The following BTNL8 variants were observed in gnomAD, a reference collection of about 807,000 sequenced individuals.
BTNL8 encodes the protein butyrophilin like 8.
Under a neutral mutation model 36.1 loss-of-function variants are expected in BTNL8, and 22 were observed. The observed-to-expected ratio is 0.61, with a 90% confidence interval of 0.44 to 0.87. The LOEUF (loss-of-function observed/expected upper bound fraction) is 0.87. Ranked by LOEUF, BTNL8 falls within the 40% of genes least tolerant of loss-of-function variation. The probability of loss-of-function intolerance (pLI) is 0.00; values close to 1 mark genes in which losing one functional copy is unlikely to be tolerated. For missense variants in BTNL8, 526 were observed against 616.9 expected, an observed-to-expected ratio of 0.85 and a Z score of 1.56; for synonymous variants, 203 against 235.6, an observed-to-expected ratio of 0.86 and a Z score of 1.27.
In BTNL8 at chr5:180,950,135, G is replaced by A. The variant is rs772485260; in HGVS notation, c.1094G>A (p.Arg365Lys). The A allele has an allele frequency of 8.2e-6, 12 of 1,462,876 alleles. 2 individuals are homozygous for A. In the Admixed American group the frequency reaches 2.3e-4, roughly 28 times the overall value. 90.6% of individuals were successfully genotyped at this position (1,462,876 alleles called of 1,614,324 possible). A position where few individuals can be genotyped will look rare whatever the true frequency, so the allele number is the denominator to read the frequency against. The change falls in exon 8 of 8, where the codon AGG becomes AAG. Residue 365 changes from arginine (R) to lysine (K), a missense_variant. Physicochemically the swap from Arg to Lys is conservative, Grantham distance 26. This residue lies in a region of BTNL8 where 176 missense variants were observed against 292.3 expected (regional missense o/e 0.60). Coordinates refer to ENST00000340184, the MANE Select transcript of BTNL8 (RefSeq NM_001040462.3). ...VGVCRDDVDR[R>K]KEYVTLSPDH... is the part of the protein sequence containing the mutation. ...GTGTGCCGGGATGATGTGGACAGGA[G>A]GAAGGAGTACGTGACTTTGTCTCCC...
chr5:180,950,516 C>G lies in BTNL8; in HGVS notation c.1475C>G (p.Thr492Arg), dbSNP rs200621852. Residue 492 changes from threonine (T) to arginine (R), a missense_variant, in exon 8 of 8, where the codon ACG becomes AGG. Thr to Arg is a moderately conservative substitution (Grantham distance 71). This residue lies in a region of BTNL8 where 176 missense variants were observed against 292.3 expected (regional missense o/e 0.60). Coordinates refer to ENST00000340184, the MANE Select transcript of BTNL8 (RefSeq NM_001040462.3). ...SNSESSSQATTPFLPRGEM is the reference protein window; with the variant it reads ...SNSESSSQATRPFLPRGEM Reference sequence around the variant, plus strand: ...AGTGAGTCCTCCTCACAGGCAACCACGCCCTTCCTCCCCAGGGGTGAAATG... The same window carrying G: ...AGTGAGTCCTCCTCACAGGCAACCAGGCCCTTCCTCCCCAGGGGTGAAATG... 6.8e-7 allele frequency: 1 copy of G among 1,463,130 alleles called. No homozygotes were observed. The allele number at this position is 1,463,130 out of a possible 1,614,324, so 90.6% of individuals were successfully genotyped here.
At chr5:180,926,077 A>G (rs1561937963) in intron 3 of BTNL8, among the ~76,000 whole-genome samples, 1 of 152,238 alleles carries the variant, frequency 6.6e-6, no homozygotes, top group Non-Finnish European at 1.5e-5. Context: ...GCCCCCAGCA[A>G]GATCAATGCA....
chr5:180,947,760 T>A (rs780755505), intron 4 of BTNL8, 135 bp downstream of exon 4: 1 of 1,613,776 alleles, frequency 6.2e-7, no homozygotes, highest in Admixed American at 1.7e-5. Context: ...AAAAAAGTAA[T>A]CATCCTTCTC....
At position 180,932,089 on chromosome 5, in the gene BTNL8, A is replaced by C. The variant is rs1319673799; in HGVS notation, c.674-15423A>C. On this transcript the variant is annotated intron_variant, in intron 3 of 7. Transcript: ENST00000340184. ...CCCATCAATGATAGGCTGGTTAAAT[A>C]AAATGTGACACATATACACCATTGA... Among the ~76,000 whole-genome samples the C allele has an allele frequency of 3.9e-5, 6 of 152,210 alleles. No individual in the cohort carries two copies. The East Asian group carries it at 5.8e-4, about 15-fold the overall frequency.
At chr5:180,929,774 A>G (rs569597339) in intron 3 of BTNL8, among the ~76,000 whole-genome samples, 1 of 152,370 alleles carries the variant, frequency 6.6e-6, no homozygotes, top group African/African-American at 2.4e-5. Context: ...GAAGAAGTCA[A>G]ATCCCTGAAT....
chr5:180,909,717 A>T (rs1442401643), intron 2 of BTNL8: 2 of 78,494 alleles, frequency 2.5e-5, no homozygotes, highest in East Asian at 5.7e-4. Context: ...CATCTCTATT[A>T]AAAAAAAAAA....
intron 7 of BTNL8, 44 bp downstream of exon 7, chr5:180,949,309 G>A (rs1460240839): frequency 6.8e-7 from 1 of 1,460,736 alleles, no homozygotes; most frequent in Non-Finnish European, 9.5e-7. Context: ...AATCTCAGGT[G>A]GACATGAGAG....
At chr5:180,934,968 T>C (rs1289402292) in intron 3 of BTNL8, among the ~76,000 whole-genome samples, 1 of 152,140 alleles carries the variant, frequency 6.6e-6, no homozygotes, top group East Asian at 1.9e-4. Context: ...AGGAGCTTTA[T>C]TGAGCAACAG....
At position 180,949,225 on chromosome 5, in the gene BTNL8, C is replaced by G. The variant is rs768357116; in HGVS notation, c.836-14C>G. The G allele has an allele frequency of 4.8e-6, 7 of 1,457,102 alleles. 2 individuals are homozygous for G. The allele number at this position is 1,457,102 out of a possible 1,614,324, so 90.3% of individuals were successfully genotyped here. A position where few individuals can be genotyped will look rare whatever the true frequency, so the allele number is the denominator to read the frequency against. ...GTGAGCACTGAACTGCCTGCTCTGT[C>G]TGCTTGCTTTCAGAATTGAGAGACG... On this transcript the variant is annotated splice_polypyrimidine_tract_variant and intron_variant, in intron 6 of 7. Coordinates refer to ENST00000340184, the MANE Select transcript of BTNL8 (RefSeq NM_001040462.3).
intron 3 of BTNL8, among the ~76,000 whole-genome samples, chr5:180,918,411 T>TATAC (rs1457717026): frequency 2.0e-5 from 3 of 152,130 alleles, no homozygotes; most frequent in Non-Finnish European, 4.4e-5. Flanking sequence ...GAACAAATAA[T>TATAC]GTATAATTAT....
At chr5:180,934,101 A>G (rs1268908401) in intron 3 of BTNL8, among the ~76,000 whole-genome samples, 2 of 152,228 alleles carry the variant, frequency 1.3e-5, no homozygotes, top group East Asian at 3.8e-4. Flanking sequence ...ACTGTGACCA[A>G]GTATGATTTA....
intron 3 of BTNL8, among the ~76,000 whole-genome samples, chr5:180,933,442 T>G (rs1490527482): frequency 6.6e-6 from 1 of 152,196 alleles, no homozygotes; most frequent in Admixed American, 6.5e-5. Flanking sequence ...AAACTCATAA[T>G]AAGTATATTT....
In BTNL8 at chr5:180,899,189, A is replaced by G. The variant is rs1756717472; in HGVS notation, c.-122A>G. ...AGCGCAGTTTGCCCTCCGCTCACGC[A>G]GAGCCTCTCCGTGGCTTCCGCACCT... On this transcript the variant is annotated 5_prime_UTR_variant, in exon 1 of 8. Coordinates refer to ENST00000340184, the MANE Select transcript of BTNL8 (RefSeq NM_001040462.3). The G allele has an allele frequency of 2.6e-6, 3 of 1,173,414 alleles. No homozygotes were observed. In the South Asian group the frequency reaches 3.9e-5, roughly 15 times the overall value. The allele number at this position is 1,173,414 out of a possible 1,614,324, so 72.7% of individuals were successfully genotyped here. A position where few individuals can be genotyped will look rare whatever the true frequency, so the allele number is the denominator to read the frequency against.
chr5:180,941,482 G>T (rs898346710), intron 3 of BTNL8, among the ~76,000 whole-genome samples: 8 of 152,046 alleles, frequency 5.3e-5, no homozygotes, highest in Non-Finnish European at 8.8e-5. Context: ...AATCAGAAAA[G>T]AATACAACAA....
chr5:180,947,450 G>A, intron 3 of BTNL8, 62 bp from the exon 4 acceptor site: 3 of 1,582,702 alleles, frequency 1.9e-6, no homozygotes, highest in Non-Finnish European at 2.6e-6. Context: ...ACTCCTTAAA[G>A]AAGAATTGAA....
At position 180,906,275 on chromosome 5, in the gene BTNL8, A is replaced by G. The variant is rs556404720; in HGVS notation, c.50-2311A>G. On this transcript the variant is annotated intron_variant, in intron 1 of 7. Transcript: ENST00000340184. The stretch of plus-strand genomic sequence containing the variant: ...TGAATTGATCCCTTTACCATTATGT[A>G]ATGGCCTTCTTTGTCTCTTTTGATC... Among the ~76,000 whole-genome samples, 294 of 147,290 alleles carry G rather than the reference A, an allele frequency of 2.0e-3. 1 individual carries two copies. Among genetic ancestry groups the G allele is most frequent in the African/African-American group, 7.4e-3 (282 of 38,108 alleles).
intron 2 of BTNL8, 119 bp downstream of exon 2, chr5:180,909,052 T>C (rs894376948): frequency 9.2e-5 from 89 of 969,920 alleles, no homozygotes; most frequent in African/African-American, 4.9e-5. Flanking sequence ...CAGCATTCTA[T>C]ACTCTACGTT....
intron 1 of BTNL8, among the ~76,000 whole-genome samples, chr5:180,905,882 G>A (rs1281876678): frequency 2.7e-5 from 4 of 150,206 alleles, no homozygotes; most frequent in Non-Finnish European, 5.9e-5. Context: ...ACTGTGGTCT[G>A]AGAGATAGTT....
At chr5:180,947,659 TATTC>T in intron 4 of BTNL8, 34 bp downstream of exon 4, 1 of 1,614,202 alleles carries the variant, frequency 6.2e-7, no homozygotes, top group Non-Finnish European at 8.5e-7. Flanking sequence ...GCCGGTGCCT[TATTC>T]ATGGTTCCAG....
Sources: gnomAD v4.1 joint callset for allele counts (sites outside exome capture counted in the v4.1 genomes callset) on GRCh38, gnomAD v4.1.1 for gene constraint, gnomAD v4.1.1 regional missense constraint, MANE v1.5 for transcripts, NCBI Gene and HGNC (gene_info 2026-07-23, HGNC 2026-07-21) for gene names.